The following PMFBP1 variants were observed in gnomAD, a reference collection of about 807,000 sequenced individuals.
The protein encoded by PMFBP1 is polyamine-modulated factor 1-binding protein 1.
In PMFBP1, 131 loss-of-function variants were observed where a neutral mutation model predicts 137.8. That is an observed-to-expected ratio of 0.95 (90% CI 0.82 to 1.10). PMFBP1 has a LOEUF of 1.10. PMFBP1 is among the 50% of genes least tolerant of loss of function. The probability of loss-of-function intolerance (pLI) is 0.00; values close to 1 mark genes in which losing one functional copy is unlikely to be tolerated. For missense variants in PMFBP1, 1,199 were observed against 1,175.4 expected (o/e 1.02, Z -0.29); for synonymous variants, 490 against 450.4 (o/e 1.09, Z -1.11).
intron 3 of PMFBP1, among the ~76,000 whole-genome samples, chr16:72,156,152 A>T (rs916513729): frequency 1.4e-4 from 22 of 151,906 alleles, no homozygotes; most frequent in African/African-American, 5.1e-4. Flanking sequence ...ACACCCAGCT[A>T]ATTTTTGTAT....
chr16:72,214,164 G>C, the PMFBP1 span, among the ~76,000 whole-genome samples: 1 of 152,068 alleles, frequency 6.6e-6, no homozygotes, highest in African/African-American at 2.4e-5. Context: ...GTACATGGGG[G>C]ACAGGTAGAA....
chr16:72,187,123 A>AT, the PMFBP1 span, among the ~76,000 whole-genome samples: 67 of 151,944 alleles, frequency 4.4e-4, no homozygotes, highest in Middle Eastern at 0.01. Context: ...AAAAAAAAAA[A>AT]AAATAAATAA....
At position 72,150,734 on chromosome 16, in the gene PMFBP1, C is replaced by T; in HGVS notation, c.510G>A (p.Lys170=). 2 of 1,614,198 alleles carry T rather than the reference C, an allele frequency of 1.2e-6. No individual in the cohort carries two copies. Among genetic ancestry groups the T allele is most frequent in the Non-Finnish European group, 1.7e-6 (2 of 1,180,038 alleles). Reference sequence around the variant, plus strand: ...TTAAGCTCCTCTCTAGAGAGGCGATCTTGTCCCCGGCCAAGGCGAGTTGCT... The same window carrying T: ...TTAAGCTCCTCTCTAGAGAGGCGATTTTGTCCCCGGCCAAGGCGAGTTGCT... The part of the protein sequence containing the change: ...AQEQLALAGD[K]IASLERSLNL... Residue 170 remains lysine (K), a synonymous_variant, in exon 5 of 21, where the codon AAG becomes AAA. Transcript: ENST00000237353.
At chr16:72,185,849 C>G in the PMFBP1 span, among the ~76,000 whole-genome samples, 3 of 152,206 alleles carry the variant, frequency 2.0e-5, no homozygotes, top group African/African-American at 7.2e-5. Flanking sequence ...ACATGGCCAG[C>G]ACACACTCTC....
At chr16:72,135,269 G>A (rs567502850) in intron 9 of PMFBP1, among the ~76,000 whole-genome samples, 12 of 152,038 alleles carry the variant, frequency 7.9e-5, no homozygotes, top group Admixed American at 2.6e-4. Flanking sequence ...CTCCCCTCCC[G>A]GCTTCAAGCC....
the PMFBP1 span, among the ~76,000 whole-genome samples, chr16:72,231,272 A>G: frequency 6.6e-6 from 1 of 152,122 alleles, no homozygotes; most frequent in South Asian, 2.1e-4. Context: ...GTCACAACCA[A>G]CAGTAACAAC....
the PMFBP1 span, among the ~76,000 whole-genome samples, chr16:72,185,352 T>C: frequency 1.3e-5 from 2 of 152,092 alleles, no homozygotes; most frequent in Non-Finnish European, 2.9e-5. Context: ...CCCTCCTCCC[T>C]GCCCTTCTTT....
chr16:72,161,094 CTTTTTTTTTTTT>C (rs35611285), intron 3 of PMFBP1, among the ~76,000 whole-genome samples: 3 of 124,948 alleles, frequency 2.4e-5, no homozygotes, highest in African/African-American at 5.7e-5. Context: ...TTATCTGTTA[CTTTTTTTTTTTT>C]TTTTTTTTTG....
the PMFBP1 span, among the ~76,000 whole-genome samples, chr16:72,190,000 T>C: frequency 0.59 from 89,313 of 151,866 alleles, 27,255 homozygotes; most frequent in African/African-American, 0.74. Context: ...CAGTCAGTTG[T>C]TAGAATGCAA....
chr16:72,121,795 C>A (rs8060770), intron 19 of PMFBP1, among the ~76,000 whole-genome samples: 91,366 of 152,084 alleles, frequency 0.6, 28,373 homozygotes, highest in African/African-American at 0.75. Flanking sequence ...TGGTTAGGCT[C>A]ATTTTTAAAT....
downstream of PMFBP1, among the ~76,000 whole-genome samples, chr16:72,117,346 T>TTGAC (rs1460441055): frequency 6.6e-6 from 1 of 152,242 alleles, no homozygotes; most frequent in Non-Finnish European, 1.5e-5. Context: ...TTTTTGTGTG[T>TTGAC]TGACTTTGTA....
At chr16:72,233,731 T>G in the PMFBP1 span, among the ~76,000 whole-genome samples, 2 of 152,122 alleles carry the variant, frequency 1.3e-5, no homozygotes, top group African/African-American at 4.8e-5. Context: ...TCGGCAGTCA[T>G]TCGTCATTCC....
chr16:72,189,999 G>T, the PMFBP1 span, among the ~76,000 whole-genome samples: 1 of 152,078 alleles, frequency 6.6e-6, no homozygotes, highest in Non-Finnish European at 1.5e-5. Context: ...TCAGTCAGTT[G>T]TTAGAATGCA....
the PMFBP1 span, among the ~76,000 whole-genome samples, chr16:72,223,785 T>C: frequency 1.3e-5 from 2 of 152,162 alleles, no homozygotes; most frequent in Non-Finnish European, 2.9e-5. Context: ...GCTACAGGAC[T>C]TACCTTCTGA....
the PMFBP1 span, among the ~76,000 whole-genome samples, chr16:72,232,069 GA>G: frequency 2.2e-3 from 335 of 152,240 alleles, 2 homozygotes; most frequent in Middle Eastern, 0.017. Flanking sequence ...TCAATCTCTA[GA>G]AAAACAATGG....
the PMFBP1 span, among the ~76,000 whole-genome samples, chr16:72,190,469 C>A: frequency 6.6e-6 from 1 of 152,138 alleles, no homozygotes; most frequent in Non-Finnish European, 1.5e-5. Flanking sequence ...CAGAGGACTG[C>A]AGTTACACTT....
At chr16:72,163,994 C>G (rs1310335367) in intron 3 of PMFBP1, among the ~76,000 whole-genome samples, 3 of 150,096 alleles carry the variant, frequency 2.0e-5, no homozygotes, top group Non-Finnish European at 4.4e-5. Flanking sequence ...GATGGGTGCA[C>G]CAAAATCTCA....
chr16:72,213,937 C>A, the PMFBP1 span, among the ~76,000 whole-genome samples: 1 of 152,152 alleles, frequency 6.6e-6, no homozygotes, highest in Non-Finnish European at 1.5e-5. Context: ...CATAATCATC[C>A]TGTTGTAAAT....
At chr16:72,186,103 G>A in the PMFBP1 span, among the ~76,000 whole-genome samples, 1 of 152,162 alleles carries the variant, frequency 6.6e-6, no homozygotes, top group African/African-American at 2.4e-5. Context: ...CCACCCGTCT[G>A]CATCATGAGA....
Sources: gnomAD v4.1 joint callset for allele counts (sites outside exome capture counted in the v4.1 genomes callset) on GRCh38, gnomAD v4.1.1 for gene constraint, MANE v1.5 for transcripts, NCBI Gene and HGNC (gene_info 2026-07-23, HGNC 2026-07-21) for gene names.